DOCK3: variants seen among roughly 807,000 people sequenced by gnomAD.
DOCK3 encodes dedicator of cytokinesis protein 3.
In DOCK3, 60 loss-of-function variants were observed where a neutral mutation model predicts 265.6. The ratio of observed to expected loss-of-function variants is 0.23; its 90% confidence interval spans 0.18 to 0.28. DOCK3 has a LOEUF of 0.28. Among genes scored for constraint, DOCK3 ranks in the 10% least tolerant of loss-of-function variants. DOCK3 has a pLI of 1.00. For missense variants in DOCK3, 1,981 were observed against 2,594.3 expected, an observed-to-expected ratio of 0.76 and a Z score of 5.14; for synonymous variants, 881 against 938.0, an observed-to-expected ratio of 0.94 and a Z score of 1.11.
chr3:50,684,946 CA>C lies in DOCK3; in HGVS notation c.37+9652del, dbSNP rs1413266150. Among the ~76,000 whole-genome samples, 7 of 151,502 alleles carry C rather than the reference CA, an allele frequency of 4.6e-5. No individual in the cohort carries two copies. In the East Asian group the frequency reaches 1.4e-3, roughly 29 times the overall value. ...AATGTCAGTAAATACAAAAAAAATACAAAAAAGAACATAAAGGTGATGTCTT... is the reference window on the plus strand; with the variant it reads ...AATGTCAGTAAATACAAAAAAAATACAAAAAGAACATAAAGGTGATGTCTT... On this transcript the variant is annotated intron_variant, in intron 1 of 52. Transcript: ENST00000266037.
At position 51,160,670 on chromosome 3, in the gene DOCK3, G is replaced by A; in HGVS notation, c.1005G>A (p.Lys335=). 1 of 1,612,794 alleles carries A rather than the reference G, an allele frequency of 6.2e-7. No homozygotes were observed. Among genetic ancestry groups the A allele is most frequent in the African/African-American group, 1.3e-5 (1 of 75,030 alleles). The change falls in exon 12 of 53, where the codon AAG becomes AAA. Residue 335 remains lysine (K), a synonymous_variant. Transcript: ENST00000266037. ...TCCTACAGTCACTCACAGAAGTAAAGGAAGAAAAGGATTTTGTTCTTAAGG... is the reference window on the plus strand; with the variant it reads ...TCCTACAGTCACTCACAGAAGTAAAAGAAGAAAAGGATTTTGTTCTTAAGG... ...LDVLQSLTEV[K]EEKDFVLKVY...
chr3:51,037,301 AT>A (rs778328773), intron 5 of DOCK3, among the ~76,000 whole-genome samples: 12 of 151,672 alleles, frequency 7.9e-5, no homozygotes, highest in Non-Finnish European at 1.8e-4. Flanking sequence ...TTTATTTAAA[AT>A]TTTTTTTTAA....
intron 1 of DOCK3, among the ~76,000 whole-genome samples, chr3:50,681,187 A>C (rs966070204): frequency 6.6e-6 from 1 of 152,238 alleles, no homozygotes; most frequent in Non-Finnish European, 1.5e-5. Flanking sequence ...AATATGATTT[A>C]GAAACATTAA....
rs1305219228 is a variant in DOCK3 at position 50,675,425 on chromosome 3, G to A, written c.37+125G>A. ...GCAGGCTGCGCGGCCTCGGCGCGGG[G>A]CGAGCGCGGGGTGGGGGCAGGTGCG... On this transcript the variant is annotated intron_variant, in intron 1 of 52. Coordinates refer to ENST00000266037, the MANE Select transcript of DOCK3 (RefSeq NM_004947.5). This position sits in a 1 kb window ranked among gnomAD's most constrained non-coding sequence, Gnocchi z 6.1. 5.4e-6 allele frequency: 5 copies of A among 920,568 alleles called. No individual in the cohort carries two copies. The highest frequency in any genetic ancestry group is 1.1e-4 in the Admixed American group (2 of 18,708). The allele number at this position is 920,568 out of a possible 1,614,324, so 57.0% of individuals were successfully genotyped here.
At chr3:51,047,739 A>C (rs1423954752) in intron 5 of DOCK3, among the ~76,000 whole-genome samples, 1 of 152,200 alleles carries the variant, frequency 6.6e-6, no homozygotes, top group Non-Finnish European at 1.5e-5. Context: ...AGGAGATTGA[A>C]TTAGTAATCA....
chr3:50,841,590 T>G (rs2045832618), intron 2 of DOCK3, 85 bp from the exon 3 acceptor site: 1 of 529,948 alleles, frequency 1.9e-6, no homozygotes, highest in Middle Eastern at 4.5e-4. Context: ...AGATGTGCAT[T>G]TATCTATTTT....
At chr3:50,935,486 T>C (rs749519765) in intron 5 of DOCK3, among the ~76,000 whole-genome samples, 19 of 152,142 alleles carry the variant, frequency 1.2e-4, no homozygotes, top group Non-Finnish European at 2.4e-4. Context: ...CAGTGGAATA[T>C]GAAGTAAGGA....
chr3:50,883,699 T>C (rs2048176750), intron 3 of DOCK3, among the ~76,000 whole-genome samples: 1 of 152,186 alleles, frequency 6.6e-6, no homozygotes, highest in African/African-American at 2.4e-5. Context: ...CATTGAAAAT[T>C]ATAGAAATTT....
At chr3:51,032,119 C>CGTGTGT (rs1199409161) in intron 5 of DOCK3, among the ~76,000 whole-genome samples, 31,230 of 148,680 alleles carry the variant, frequency 0.21, 3,470 homozygotes, top group South Asian at 0.36. Context: ...CCTCCCTCCT[C>CGTGTGT]GTGTGTGTGT....
Position 51,309,466 on chromosome 3 carries a change from C to T in DOCK3, c.2923-766C>T, listed in dbSNP as rs544406743. Among the ~76,000 whole-genome samples, 42 of 152,202 alleles carry T rather than the reference C, an allele frequency of 2.8e-4. No homozygotes were observed. In the East Asian group the frequency reaches 4.1e-3, roughly 15 times the overall value. ...AGGCGTGGCGGCGCGCGCCTGCAAT[C>T]GCAGGCACTCGGCAGGCTGAGGCAG... On this transcript the variant is annotated intron_variant, in intron 27 of 52. Coordinates refer to ENST00000266037, the MANE Select transcript of DOCK3 (RefSeq NM_004947.5).
chr3:51,049,459 C>G (rs1374477537), intron 5 of DOCK3, among the ~76,000 whole-genome samples: 1 of 152,102 alleles, frequency 6.6e-6, no homozygotes, highest in Non-Finnish European at 1.5e-5. Flanking sequence ...AGGCATTATG[C>G]TGGTTCCTTT....
At chr3:50,987,343 T>G (rs2077940797) in intron 5 of DOCK3, among the ~76,000 whole-genome samples, 1 of 152,240 alleles carries the variant, frequency 6.6e-6, no homozygotes, top group Non-Finnish European at 1.5e-5. Flanking sequence ...TAGCTGGTAG[T>G]TAGTTATGTT....
Position 51,188,067 on chromosome 3 carries a change from C to T in DOCK3, c.1038-20707C>T, listed in dbSNP as rs140418806. Among the ~76,000 whole-genome samples the T allele has an allele frequency of 6.8e-3, 1,039 of 152,234 alleles. 9 individuals carry two copies. The highest frequency in any genetic ancestry group is 0.011 in the Non-Finnish European group (756 of 67,996). On this transcript the variant is annotated intron_variant, in intron 12 of 52. Coordinates refer to ENST00000266037, the MANE Select transcript of DOCK3 (RefSeq NM_004947.5). ...AAAGAGCTAGACTCAGGATGAACAA[C>T]GGAGCCTTCCTTTCTTTATCTGTTC...
chr3:50,771,268 C>G (rs901252526), intron 1 of DOCK3, among the ~76,000 whole-genome samples: 2 of 152,102 alleles, frequency 1.3e-5, no homozygotes, highest in Non-Finnish European at 2.9e-5. Context: ...ATCCAATAAT[C>G]TGATCAAAAA....
intron 23 of DOCK3, among the ~76,000 whole-genome samples, chr3:51,261,883 G>A (rs1446572592): frequency 6.6e-6 from 1 of 152,112 alleles, no homozygotes; most frequent in African/African-American, 2.4e-5. Flanking sequence ...CTGTGGGCAG[G>A]GCATCTCTGA....
intron 1 of DOCK3, among the ~76,000 whole-genome samples, chr3:50,737,875 A>C (rs111850822): frequency 6.6e-6 from 1 of 152,238 alleles, no homozygotes; most frequent in African/African-American, 2.4e-5. Flanking sequence ...GTTATTTTGA[A>C]TTGTTAATGC....
Position 51,314,999 on chromosome 3 carries a change from T to G in DOCK3, c.3273T>G (p.Phe1091Leu). The change falls in exon 32 of 53, where the codon TTT becomes TTG. Residue 1091 changes from phenylalanine to leucine, a missense_variant. By Grantham distance (22) the Phe-to-Leu change is conservative. Coordinates refer to ENST00000266037, the MANE Select transcript of DOCK3 (RefSeq NM_004947.5). ...WQNLGEHKIHFIPGMIGPFLG... is the reference protein window; with the variant it reads ...WQNLGEHKIHLIPGMIGPFLG... ...TTTCAGGTGAACATAAGATCCACTT[T>G]ATTCCGGGAATGATTGGTCCTTTTC... 1 of 1,609,176 alleles carries G rather than the reference T, an allele frequency of 6.2e-7. No individual in the cohort carries two copies. Among genetic ancestry groups the G allele is most frequent in the Non-Finnish European group, 8.5e-7 (1 of 1,176,924 alleles).
At chr3:50,715,686 T>C (rs1264287750) in intron 1 of DOCK3, among the ~76,000 whole-genome samples, 1 of 152,130 alleles carries the variant, frequency 6.6e-6, no homozygotes, top group Non-Finnish European at 1.5e-5. Context: ...GCACAGGCCA[T>C]TAGGCAGCTG....
intron 3 of DOCK3, among the ~76,000 whole-genome samples, chr3:50,857,518 A>G (rs561687597): frequency 6.6e-6 from 1 of 152,202 alleles, no homozygotes; most frequent in Non-Finnish European, 1.5e-5. Flanking sequence ...ATGGGAGAAC[A>G]TTTTTGCAGT....
Sources: gnomAD v4.1 joint callset for allele counts (sites outside exome capture counted in the v4.1 genomes callset) on GRCh38, gnomAD v4.1.1 for gene constraint, Gnocchi (gnomAD v3.1) non-coding constraint, MANE v1.5 for transcripts, NCBI Gene and HGNC (gene_info 2026-07-23, HGNC 2026-07-21) for gene names.